ACVR1C: variants seen among roughly 807,000 people sequenced by gnomAD.
ACVR1C encodes activin receptor type-1C.
A neutral mutation model predicts 57.9 loss-of-function variants in ACVR1C; 23 were observed. The ratio of observed to expected loss-of-function variants is 0.40; its 90% CI spans 0.29 to 0.56. The LOEUF is 0.56. Among genes scored for constraint, ACVR1C ranks in the 20% least tolerant of loss-of-function variants. ACVR1C has a pLI of 0.50. For synonymous variants in ACVR1C, 214 were observed against 215.3 expected (o/e 0.99, Z 0.05); for missense variants, 480 against 607.9 (o/e 0.79, Z 2.21).
At chr2:157,604,976 C>T (rs1486769321) in intron 1 of ACVR1C, among the ~76,000 whole-genome samples, 2 of 151,710 alleles carry the variant, frequency 1.3e-5, no homozygotes, top group East Asian at 1.9e-4. Flanking sequence ...GTTGCCTAAC[C>T]TAAGATCAAA....
chr2:157,587,250 C>A lies in ACVR1C; in HGVS notation c.241G>T (p.Val81Phe). 6.2e-7 allele frequency: 1 copy of A among 1,613,700 alleles called. No homozygotes were observed. The highest frequency in any genetic ancestry group is 8.5e-7 in the Non-Finnish European group (1 of 1,179,684). ...GTGAAGCAGCATTCGGTTTTGGTAACATTGTTGGAACTATGACAGAAGACT... is the reference window on the plus strand; with the variant it reads ...GTGAAGCAGCATTCGGTTTTGGTAAAATTGTTGGAACTATGACAGAAGACT... ...AQVFCHSSNN[V>F]TKTECCFTDF... Residue 81 changes from valine (V) to phenylalanine (F), a missense_variant, in exon 2 of 9, where the codon GTT (valine) becomes TTT (phenylalanine). Physicochemically the swap from Val to Phe is conservative, Grantham distance 50. Transcript: ENST00000243349.
chr2:157,610,433 T>C lies in ACVR1C; in HGVS notation c.73+18139A>G, dbSNP rs534793149. Among the ~76,000 whole-genome samples, 4 of 152,310 alleles carry C rather than the reference T, an allele frequency of 2.6e-5. No homozygotes were observed. In the South Asian group the frequency reaches 6.2e-4, roughly 24 times the overall value. Reference sequence around the variant, plus strand: ...GCCTTTAAAAAGATAGGAGTTCCTTTATAGGTGACGAGATACTTTTGCTGT... The same window carrying C: ...GCCTTTAAAAAGATAGGAGTTCCTTCATAGGTGACGAGATACTTTTGCTGT... On this transcript the variant is annotated intron_variant, in intron 1 of 8. Transcript: ENST00000243349.
At chr2:157,570,477 C>A (rs1290677499) in intron 2 of ACVR1C, among the ~76,000 whole-genome samples, 1 of 78,884 alleles carries the variant, frequency 1.3e-5, no homozygotes, top group Non-Finnish European at 2.6e-5. Context: ...ATCGTCTCAG[C>A]CCAAAATCTC....
Position 157,597,343 on chromosome 2 carries a change from C to T in ACVR1C, c.74-9926G>A, listed in dbSNP as rs574908587. 1.0e-5 allele frequency: 10 copies of T among 985,866 alleles called. No homozygotes were observed. The South Asian group carries it at 3.8e-4, about 37-fold the overall frequency. 61.1% of individuals were successfully genotyped at this position (985,866 alleles called of 1,614,324 possible). On this transcript the variant is annotated intron_variant, in intron 1 of 8. Transcript: ENST00000243349. ...GGACCTTGGCACCCCGGCCCGCCCC[C>T]GGGGAGCTCCCCTTGCCTGGACTTG... is the stretch of plus-strand genomic sequence containing the variant.
chr2:157,563,178 T>C (rs6744526), intron 2 of ACVR1C, among the ~76,000 whole-genome samples: 71,489 of 151,942 alleles, frequency 0.47, 17,243 homozygotes, highest in African/African-American at 0.54. Context: ...GGAAGTCAAA[T>C]TGTCTGTTTG....
At chr2:157,564,046 A>G (rs1688303228) in intron 2 of ACVR1C, among the ~76,000 whole-genome samples, 1 of 152,240 alleles carries the variant, frequency 6.6e-6, no homozygotes, top group Non-Finnish European at 1.5e-5. Flanking sequence ...CATTCAGGAC[A>G]TAGGCATGGG....
At chr2:157,625,651 C>T (rs113052045) in intron 1 of ACVR1C, among the ~76,000 whole-genome samples, 5,921 of 151,854 alleles carry the variant, frequency 0.039, 193 homozygotes, top group African/African-American at 0.089. Flanking sequence ...TACTTGAAAC[C>T]CCCACTCTCA....
chr2:157,564,747 C>T (rs1688319542), intron 2 of ACVR1C, among the ~76,000 whole-genome samples: 1 of 151,656 alleles, frequency 6.6e-6, no homozygotes, highest in South Asian at 2.1e-4. Context: ...AAATGTTGTA[C>T]ATCTACACCA....
At chr2:157,560,765 C>T (rs574847640) in intron 2 of ACVR1C, among the ~76,000 whole-genome samples, 1 of 152,180 alleles carries the variant, frequency 6.6e-6, no homozygotes, top group Non-Finnish European at 1.5e-5. Flanking sequence ...CTATTTCTCC[C>T]CAGTTTGCAA....
chr2:157,581,417 G>A (rs1200259082), intron 2 of ACVR1C, among the ~76,000 whole-genome samples: 1 of 152,070 alleles, frequency 6.6e-6, no homozygotes, highest in Non-Finnish European at 1.5e-5. Context: ...GAATTGTGAG[G>A]AGAATTGAGG....
chr2:157,566,213 G>A (rs992237384), intron 2 of ACVR1C, among the ~76,000 whole-genome samples: 3 of 152,110 alleles, frequency 2.0e-5, no homozygotes, highest in Non-Finnish European at 4.4e-5. Context: ...GAAAGTCTTT[G>A]GAAGCAGCAC....
intron 1 of ACVR1C, among the ~76,000 whole-genome samples, chr2:157,602,131 T>TA (rs903743988): frequency 1.5e-4 from 23 of 149,388 alleles, no homozygotes; most frequent in East Asian, 7.8e-4. Flanking sequence ...TTCGTTAAAA[T>TA]AAAAAAAAAA....
At chr2:157,580,278 C>T (rs1039724387) in intron 2 of ACVR1C, among the ~76,000 whole-genome samples, 1 of 151,736 alleles carries the variant, frequency 6.6e-6, no homozygotes, top group Non-Finnish European at 1.5e-5. Context: ...CTTTCTTCTC[C>T]TTTTATAGCA....
At chr2:157,554,588 G>A (rs999127561) in intron 3 of ACVR1C, among the ~76,000 whole-genome samples, 3 of 152,204 alleles carry the variant, frequency 2.0e-5, no homozygotes, top group African/African-American at 7.2e-5. Flanking sequence ...GTCTTCGTCA[G>A]TGGGAGGCCA....
rs113479666 is a variant in ACVR1C at position 157,557,073 on chromosome 2, A to G, written c.305-741T>C. Reference sequence around the variant, plus strand: ...AGGTACTGGAGATACAATGGTGAGGAAAGAGCCCAAATTCCTGTTCTTGAG... The same window carrying G: ...AGGTACTGGAGATACAATGGTGAGGGAAGAGCCCAAATTCCTGTTCTTGAG... On this transcript the variant is annotated intron_variant, in intron 2 of 8. Coordinates refer to ENST00000243349, the MANE Select transcript of ACVR1C (RefSeq NM_145259.3). 6.1e-3 allele frequency among the ~76,000 whole-genome samples: 929 copies of G among 152,314 alleles called. 7 individuals carry two copies. The highest frequency in any genetic ancestry group is 0.021 in the African/African-American group (877 of 41,582).
At chr2:157,592,650 C>T (rs1449538498) in intron 1 of ACVR1C, among the ~76,000 whole-genome samples, 1 of 152,032 alleles carries the variant, frequency 6.6e-6, no homozygotes, top group Non-Finnish European at 1.5e-5. Flanking sequence ...CATTTCCCAC[C>T]AGTCCACTAT....
At chr2:157,599,805 G>A (rs777272233) in intron 1 of ACVR1C, among the ~76,000 whole-genome samples, 11 of 152,120 alleles carry the variant, frequency 7.2e-5, no homozygotes, top group Admixed American at 2.6e-4. Context: ...GATAAGCAGG[G>A]ATTACTACTC....
chr2:157,624,269 T>G (rs1324963725), intron 1 of ACVR1C, among the ~76,000 whole-genome samples: 2 of 152,110 alleles, frequency 1.3e-5, no homozygotes, highest in African/African-American at 4.8e-5. Flanking sequence ...TCAAACTATA[T>G]CAGAATAACA....
intron 1 of ACVR1C, among the ~76,000 whole-genome samples, chr2:157,620,188 TTTA>T (rs1314468723): frequency 3.9e-5 from 6 of 152,100 alleles, no homozygotes; most frequent in African/African-American, 1.4e-4. Context: ...CAGTTATACA[TTTA>T]TTATTCTATA....
Sources: gnomAD v4.1 joint callset for allele counts (sites outside exome capture counted in the v4.1 genomes callset) on GRCh38, gnomAD v4.1.1 for gene constraint, MANE v1.5 for transcripts, NCBI Gene and HGNC (gene_info 2026-07-23, HGNC 2026-07-21) for gene names.